Variants in LMOD1 observed in about 807,000 individuals in gnomAD.
LMOD1 encodes the protein leiomodin-1.
Under a neutral mutation model 36.5 loss-of-function variants are expected in LMOD1, and 8 were observed. The observed-to-expected ratio is 0.22, with a 90% confidence interval of 0.13 to 0.40. The LOEUF (loss-of-function observed/expected upper bound fraction) is 0.40. Among genes scored for constraint, LMOD1 ranks in the 10% least tolerant of loss-of-function variants. LMOD1 has a pLI of 1.00. For synonymous variants in LMOD1, 284 were observed against 288.7 expected (o/e 0.98, Z 0.17); for missense variants, 630 against 751.1 (o/e 0.84, Z 1.88).
At chr1:201,935,267 G>A (rs1168315120) in intron 1 of LMOD1, among the ~76,000 whole-genome samples, 4 of 152,118 alleles carry the variant, frequency 2.6e-5, no homozygotes, top group Non-Finnish European at 5.9e-5. Flanking sequence ...TGGGGGAAAG[G>A]GAAGAGTCGG....
Position 201,928,163 on chromosome 1 carries a change from C to T in LMOD1, c.261+17917G>A, listed in dbSNP as rs189626896. Among the ~76,000 whole-genome samples, 261 of 152,318 alleles carry T rather than the reference C, an allele frequency of 1.7e-3. 1 individual carries two copies. The highest frequency in any genetic ancestry group is 6.1e-3 in the African/African-American group (254 of 41,560). ...ATCTTGGACTTCCCAGCCTTCAAAA[C>T]CATGAGCAAAATGTACTTCTCTTCA... is the stretch of plus-strand genomic sequence containing the variant. On this transcript the variant is annotated intron_variant, in intron 1 of 2. Transcript: ENST00000367288.
intron 1 of LMOD1, among the ~76,000 whole-genome samples, chr1:201,934,636 A>G (rs1259311173): frequency 6.6e-6 from 1 of 152,178 alleles, no homozygotes; most frequent in Non-Finnish European, 1.5e-5. Flanking sequence ...AACGAGACTT[A>G]TCTAGATGCT....
chr1:201,936,096 C>CAA (rs61077548), intron 1 of LMOD1, among the ~76,000 whole-genome samples: 130 of 72,766 alleles, frequency 1.8e-3, no homozygotes, highest in Middle Eastern at 7.6e-3. Flanking sequence ...GACCTTGTCT[C>CAA]AAAAAAAAAA....
intron 1 of LMOD1, among the ~76,000 whole-genome samples, chr1:201,901,962 TA>T (rs1475001556): frequency 4.6e-5 from 3 of 65,180 alleles, no homozygotes; most frequent in East Asian, 1.4e-3. Flanking sequence ...TTGTTATTAT[TA>T]TTATTTTTTT....
chr1:201,927,588 C>CA (rs72255474), intron 1 of LMOD1, among the ~76,000 whole-genome samples: 4,657 of 137,860 alleles, frequency 0.034, 147 homozygotes, highest in African/African-American at 0.098. Context: ...ACAAAAAAAA[C>CA]AAAAAAAAAA....
In LMOD1 at chr1:201,900,704, T is replaced by C. The variant is rs1571573343; in HGVS notation, c.309A>G (p.Glu103=). The C allele has an allele frequency of 1.2e-6, 2 of 1,612,058 alleles. No homozygotes were observed. Among genetic ancestry groups the C allele is most frequent in the Middle Eastern group, 3.3e-4 (2 of 6,050 alleles). The part of the protein sequence containing the change: ...ETKTDAKNGE[E]RGRDASKKAL... ...CTTTTTTGCTGGCATCTCTGCCCCT[T>C]TCCTCTCCATTCTTGGCATCTGTCT... The change falls in exon 2 of 3, where the codon GAA becomes GAG. Residue 103 remains glutamate (E), a synonymous_variant. Transcript: ENST00000367288.
intron 1 of LMOD1, among the ~76,000 whole-genome samples, chr1:201,916,084 A>T (rs1219618123): frequency 6.6e-6 from 1 of 151,664 alleles, no homozygotes; most frequent in Non-Finnish European, 1.5e-5. Context: ...CACCCAGCGG[A>T]TTTTTGTATT....
chr1:201,917,882 C>A (rs1681637703), intron 1 of LMOD1, among the ~76,000 whole-genome samples: 1 of 152,182 alleles, frequency 6.6e-6, no homozygotes. Context: ...TTTCATACAG[C>A]CCCTCTCCTG....
Position 201,923,964 on chromosome 1 carries a change from GA to G in LMOD1, c.261+22115del, listed in dbSNP as rs530629871. ...GAAAAGGAAAGAAAGGAAAGAAAAAGAAAAAGGAAAGAAAAGAAAGAAAAAG... is the reference window on the plus strand; with the variant it reads ...GAAAAGGAAAGAAAGGAAAGAAAAAGAAAAGGAAAGAAAAGAAAGAAAAAG... On this transcript the variant is annotated intron_variant, in intron 1 of 2. Coordinates refer to ENST00000367288, the MANE Select transcript of LMOD1 (RefSeq NM_012134.3). Among the ~76,000 whole-genome samples, 558 of 146,920 alleles carry G rather than the reference GA, an allele frequency of 3.8e-3. 3 individuals carry two copies. Among genetic ancestry groups the G allele is most frequent in the Non-Finnish European group, 6.7e-3 (443 of 66,340 alleles).
chr1:201,901,529 TGTATATATATATATATATATATAC>T (rs1681304577), intron 1 of LMOD1, among the ~76,000 whole-genome samples: 2 of 27,694 alleles, frequency 7.2e-5, no homozygotes, highest in African/African-American at 4.2e-4. Flanking sequence ...TATATATATA[TGTATATATATATATATATATATAC>T]ATATATATAT....
rs1210658928 is a variant in LMOD1, at chr1:201,901,613, CAT to C, written c.262-864_262-863del. Among the ~76,000 whole-genome samples, 19 of 27,518 alleles carry C rather than the reference CAT, an allele frequency of 6.9e-4. 1 individual carries two copies. The highest frequency in any genetic ancestry group is 2.9e-3 in the African/African-American group (18 of 6,202). 18.1% of individuals were successfully genotyped at this position (27,518 alleles called of 152,430 possible). ...ATATATATGTATATATATATATACA[CAT>C]ATATATGTGTGTGTGTATATATATA... is the stretch of plus-strand genomic sequence containing the variant. On this transcript the variant is annotated intron_variant, in intron 1 of 2. Coordinates refer to ENST00000367288, the MANE Select transcript of LMOD1 (RefSeq NM_012134.3).
chr1:201,936,549 C>A (rs1373805094), intron 1 of LMOD1, among the ~76,000 whole-genome samples: 2 of 152,100 alleles, frequency 1.3e-5, no homozygotes, highest in African/African-American at 4.8e-5. Context: ...GCTAACCCTG[C>A]CCCCACCCCA....
At chr1:201,933,713 A>G (rs1681969951) in intron 1 of LMOD1, among the ~76,000 whole-genome samples, 1 of 150,652 alleles carries the variant, frequency 6.6e-6, no homozygotes, top group Non-Finnish European at 1.5e-5. Flanking sequence ...GGTGCTGACA[A>G]CATTCAGTTT....
At position 201,924,721 on chromosome 1, in the gene LMOD1, G is replaced by GAAAGA. The variant is rs1553297964; in HGVS notation, c.261+21354_261+21358dup. ...AGAAAGAAAGAAAGAAAGAAAGAAAGAAAGAAAGAAAAGAAAGAAATAGCC... is the reference window on the plus strand; with the variant it reads ...AGAAAGAAAGAAAGAAAGAAAGAAAGAAAGAAAAGAAAGAAAAGAAAGAAATAGCC... On this transcript the variant is annotated intron_variant, in intron 1 of 2. Coordinates refer to ENST00000367288, the MANE Select transcript of LMOD1 (RefSeq NM_012134.3). Among the ~76,000 whole-genome samples, 141 of 114,330 alleles carry GAAAGA rather than the reference G, an allele frequency of 1.2e-3. 2 individuals are homozygous for GAAAGA. The highest frequency in any genetic ancestry group is 4.0e-3 in the African/African-American group (137 of 33,830). The allele number at this position is 114,330 out of a possible 152,430, so 75.0% of individuals were successfully genotyped here.
rs1278751457 is a variant in LMOD1, at chr1:201,900,240, C to G, written c.773G>C (p.Gly258Ala). 4 of 1,613,540 alleles carry G rather than the reference C, an allele frequency of 2.5e-6. No homozygotes were observed. The African/African-American group carries it at 4.0e-5, about 16-fold the overall frequency. ...MKKEDEKVKR[G>A]TGNTDTKKDD... ...CTTTTTGGTGTCTGTGTTCCCAGTT[C>G]CTCTTTTTACCTTCTCATCCTCCTT... Residue 258 changes from glycine (G) to alanine (A), a missense_variant, in exon 2 of 3, where the codon GGA becomes GCA. Transcript: ENST00000367288.
rs189459154 is a variant in LMOD1 at position 201,941,553 on chromosome 1, C to T, written c.261+4527G>A. Among the ~76,000 whole-genome samples the T allele has an allele frequency of 8.3e-4, 126 of 152,294 alleles. No individual in the cohort carries two copies. In the Middle Eastern group the frequency reaches 0.017, roughly 21 times the overall value. ...GGGTTAATCTCCTTAAGCATTGAGC[C>T]GTGCTGCTCAGTGCACTCCTGATAG... On this transcript the variant is annotated intron_variant, in intron 1 of 2. Coordinates refer to ENST00000367288, the MANE Select transcript of LMOD1 (RefSeq NM_012134.3).
intron 1 of LMOD1, among the ~76,000 whole-genome samples, chr1:201,925,865 T>C (rs1681819003): frequency 6.6e-6 from 1 of 152,062 alleles, no homozygotes; most frequent in Admixed American, 6.6e-5. Flanking sequence ...CCACCATTCC[T>C]GGCTAATTTT....
chr1:201,910,830 C>T (rs568964503), intron 1 of LMOD1, among the ~76,000 whole-genome samples: 1 of 128,932 alleles, frequency 7.8e-6, no homozygotes, highest in South Asian at 2.7e-4. Context: ...TCTCAGCTCA[C>T]TGTAACCTCT....
In LMOD1 at chr1:201,899,055, G is replaced by A. The variant is rs1681242327; in HGVS notation, c.1776+182C>T. 7.0e-6 allele frequency: 4 copies of A among 574,458 alleles called. No homozygotes were observed. 35.6% of individuals were successfully genotyped at this position (574,458 alleles called of 1,614,324 possible). ...AGTCTCAGCTCTAGGGGATATACAGGTGTGACCTGCCTGCAGGCAGGAGGA... is the reference window on the plus strand; with the variant it reads ...AGTCTCAGCTCTAGGGGATATACAGATGTGACCTGCCTGCAGGCAGGAGGA... On this transcript the variant is annotated intron_variant, in intron 2 of 2. Transcript: ENST00000367288. The surrounding 1 kb of genome is among the most constrained non-coding windows in gnomAD (Gnocchi z 6.3).
Sources: gnomAD v4.1 joint callset for allele counts (sites outside exome capture counted in the v4.1 genomes callset) on GRCh38, gnomAD v4.1.1 for gene constraint, Gnocchi (gnomAD v3.1) non-coding constraint, MANE v1.5 for transcripts, NCBI Gene and HGNC (gene_info 2026-07-23, HGNC 2026-07-21) for gene names.